The following TASP1 variants were observed in gnomAD, a reference collection of about 807,000 sequenced individuals.
The protein encoded by TASP1 is taspase 1.
TASP1 carries 16 observed loss-of-function variants against 56.6 expected under a neutral mutation model. The observed-to-expected ratio is 0.28, with a 90% confidence interval of 0.19 to 0.43. TASP1 has a LOEUF of 0.43. Among genes scored for constraint, TASP1 ranks in the 20% least tolerant of loss-of-function variants. TASP1 has a pLI of 1.00. For synonymous variants in TASP1, 179 were observed against 184.2 expected, an observed-to-expected ratio of 0.97 and a Z score of 0.23; for missense variants, 393 against 511.6, an observed-to-expected ratio of 0.77 and a Z score of 2.24.
chr20:13,279,914 A>G, the TASP1 span: 1 of 1,607,770 alleles, frequency 6.2e-7, no homozygotes, highest in Non-Finnish European at 8.5e-7. Context: ...TTTACCACCT[A>G]GTAATATAAA....
intron 4 of TASP1, among the ~76,000 whole-genome samples, chr20:13,597,937 T>C (rs1322460077): frequency 2.0e-5 from 3 of 152,132 alleles, no homozygotes; most frequent in Admixed American, 6.5e-5. Flanking sequence ...TCACGGTTGC[T>C]ACAAAGAGAA....
the TASP1 span, among the ~76,000 whole-genome samples, chr20:13,193,808 A>G: frequency 6.6e-6 from 1 of 152,140 alleles, no homozygotes; most frequent in African/African-American, 2.4e-5. Flanking sequence ...TCATGTCCTT[A>G]TTCAAGACAA....
intron 10 of TASP1, among the ~76,000 whole-genome samples, chr20:13,511,757 TC>T (rs2044336673): frequency 2.0e-5 from 1 of 50,798 alleles, no homozygotes; most frequent in Admixed American, 2.5e-4. Context: ...CCCTCCCCCC[TC>T]CCCCACCCCA....
At chr20:13,154,260 C>A in the TASP1 span, 1 of 1,280,278 alleles carries the variant, frequency 7.8e-7, no homozygotes, top group Non-Finnish European at 1.1e-6. Flanking sequence ...TTCACTCGTA[C>A]GGCTTCTCGG....
the TASP1 span, among the ~76,000 whole-genome samples, chr20:13,160,550 A>T: frequency 1.3e-5 from 2 of 152,360 alleles, no homozygotes; most frequent in South Asian, 4.1e-4. Flanking sequence ...AACAAGAACA[A>T]ATCTACATTA....
chr20:13,453,812 A>G (rs2043721941), intron 11 of TASP1, among the ~76,000 whole-genome samples: 1 of 152,046 alleles, frequency 6.6e-6, no homozygotes, highest in Non-Finnish European at 1.5e-5. Context: ...ACACATACAC[A>G]TCATTTACAA....
the TASP1 span, among the ~76,000 whole-genome samples, chr20:13,380,792 G>A: frequency 1.3e-5 from 2 of 152,204 alleles, no homozygotes; most frequent in African/African-American, 4.8e-5. Context: ...GAGGAATCTA[G>A]AGAGGCAGTT....
the TASP1 span, among the ~76,000 whole-genome samples, chr20:13,310,286 A>G: frequency 6.6e-6 from 1 of 152,228 alleles, no homozygotes; most frequent in Non-Finnish European, 1.5e-5. Flanking sequence ...TTTGTGGTCA[A>G]CTGATCTTTG....
At chr20:13,228,855 T>C in the TASP1 span, among the ~76,000 whole-genome samples, 1 of 152,248 alleles carries the variant, frequency 6.6e-6, no homozygotes, top group African/African-American at 2.4e-5. Flanking sequence ...TGTTGTTTAA[T>C]TGTGTCTTAT....
intron 8 of TASP1, among the ~76,000 whole-genome samples, chr20:13,540,292 T>C (rs1269146353): frequency 6.6e-6 from 1 of 152,208 alleles, no homozygotes; most frequent in African/African-American, 2.4e-5. Context: ...CTTATTTGTC[T>C]GAAATGAATA....
intron 1 of TASP1, among the ~76,000 whole-genome samples, chr20:13,635,695 A>T (rs977856973): frequency 2.0e-5 from 3 of 152,076 alleles, no homozygotes; most frequent in African/African-American, 7.2e-5. Flanking sequence ...GCCAACCTTC[A>T]GCAACTTCAT....
At chr20:13,253,877 A>G in the TASP1 span, among the ~76,000 whole-genome samples, 140 of 98,944 alleles carry the variant, frequency 1.4e-3, no homozygotes, top group East Asian at 0.014. Context: ...ATATATATAT[A>G]TGTGTGTGTG....
chr20:13,236,668 G>C, the TASP1 span, among the ~76,000 whole-genome samples: 1 of 152,150 alleles, frequency 6.6e-6, no homozygotes, highest in Non-Finnish European at 1.5e-5. Flanking sequence ...GATACAATGG[G>C]GGTACAGGTA....
the TASP1 span, among the ~76,000 whole-genome samples, chr20:13,286,644 A>G: frequency 0.019 from 2,947 of 152,276 alleles, 101 homozygotes; most frequent in African/African-American, 0.067. Flanking sequence ...GGACACAACC[A>G]TGAAATCCAC....
chr20:13,426,140 G>C (rs1025520632), intron 12 of TASP1, among the ~76,000 whole-genome samples: 1 of 152,166 alleles, frequency 6.6e-6, no homozygotes, highest in African/African-American at 2.4e-5. Context: ...TTATCTTCCT[G>C]TTTTATCCTT....
chr20:13,378,174 G>A, the TASP1 span, among the ~76,000 whole-genome samples: 42 of 152,076 alleles, frequency 2.8e-4, 1 homozygote, highest in African/African-American at 8.9e-4. Context: ...TTAGGGTGTC[G>A]ATTTTAGATC....
At chr20:13,501,334 A>T (rs2043938893) in intron 10 of TASP1, among the ~76,000 whole-genome samples, 1 of 152,022 alleles carries the variant, frequency 6.6e-6, no homozygotes, top group Non-Finnish European at 1.5e-5. Flanking sequence ...ATATATATTT[A>T]GTGTGTGTGA....
chr20:13,569,719 T>C, intron 6 of TASP1, 133 bp from the exon 7 acceptor site: 2 of 675,558 alleles, frequency 3.0e-6, no homozygotes, highest in South Asian at 2.6e-5. Context: ...TACCTCAAAG[T>C]AGTAAGATGA....
the TASP1 span, among the ~76,000 whole-genome samples, chr20:13,194,087 T>C: frequency 5.3e-5 from 8 of 152,212 alleles, no homozygotes; most frequent in African/African-American, 1.9e-4. Flanking sequence ...AAAAATGTAA[T>C]TGTCCAGCTA....
Sources: allele counts gnomAD v4.1 joint callset (sites outside exome capture counted in the v4.1 genomes callset), GRCh38; gene constraint gnomAD v4.1.1; transcripts MANE v1.5; gene names NCBI Gene and HGNC (gene_info 2026-07-23, HGNC 2026-07-21).